Variants in ECHDC3 observed in about 807,000 individuals in gnomAD.
ECHDC3 encodes enoyl-CoA hydratase domain containing 3, also known as enoyl-CoA hydratase domain-containing protein 3, mitochondrial.
A neutral mutation model predicts 17.9 loss-of-function variants in ECHDC3; 20 were observed. The ratio of observed to expected loss-of-function variants is 1.12; its 90% CI spans 0.79 to 1.63. ECHDC3 has a LOEUF of 1.63. Among genes scored for constraint, ECHDC3 ranks in the 40% most tolerant of loss-of-function variants. The pLI, the probability that ECHDC3 is intolerant of heterozygous loss-of-function variation, is 0.00. For synonymous variants in ECHDC3, 177 were observed against 149.7 expected, an observed-to-expected ratio of 1.18 and a Z score of -1.33; for missense variants, 407 against 357.7, an observed-to-expected ratio of 1.14 and a Z score of -1.11.
chr10:11,761,680 C>T (rs546604961), intron 4 of ECHDC3, among the ~76,000 whole-genome samples: 22 of 152,338 alleles, frequency 1.4e-4, no homozygotes, highest in Non-Finnish European at 2.2e-4. Context: ...ACACTGCACC[C>T]GGCCTCTCCG....
At chr10:11,742,979 C>T (rs7076220) in intron 1 of ECHDC3, 124,027 of 370,774 alleles carry the variant, frequency 0.33, 22,238 homozygotes, top group East Asian at 0.49. Context: ...GGTCACTGGG[C>T]CTCCAGTCGC....
chr10:11,745,430 C>T (rs1440764472), intron 1 of ECHDC3, among the ~76,000 whole-genome samples: 7 of 152,130 alleles, frequency 4.6e-5, no homozygotes, highest in African/African-American at 9.7e-5. Context: ...CTCCCACCAC[C>T]CCCACCAAAT....
intron 1 of ECHDC3, 140 bp downstream of exon 1, chr10:11,742,886 C>T: frequency 9.9e-7 from 1 of 1,010,476 alleles, no homozygotes; most frequent in Non-Finnish European, 1.3e-6. Flanking sequence ...CGGACCCGGG[C>T]CTGGCAGCGA....
At position 11,749,733 on chromosome 10, in the gene ECHDC3, A is replaced by T. The variant is rs541973485; in HGVS notation, c.390+141A>T. The T allele has an allele frequency of 4.4e-4, 146 of 335,584 alleles. No homozygotes were observed. In the East Asian group the frequency reaches 7.6e-3, roughly 18 times the overall value. 20.8% of individuals were successfully genotyped at this position (335,584 alleles called of 1,614,324 possible). ...CAACTGGAAACTGTTTGGTCATCAG[A>T]TCCTTTATCCCAGCAATCCAGCAAT... On this transcript the variant is annotated intron_variant, in intron 3 of 4. Coordinates refer to ENST00000379215, the MANE Select transcript of ECHDC3 (RefSeq NM_024693.5).
chr10:11,742,843 T>C (rs1832711719), intron 1 of ECHDC3, 97 bp downstream of exon 1: 1 of 1,187,582 alleles, frequency 8.4e-7, no homozygotes, highest in South Asian at 3.5e-5. Flanking sequence ...CGGAGCCCCG[T>C]TTACGCCCCT....
intron 1 of ECHDC3, 28 bp downstream of exon 1, chr10:11,742,774 G>A (rs1184747148): frequency 8.2e-6 from 10 of 1,224,904 alleles, no homozygotes; most frequent in Non-Finnish European, 1.0e-5. Flanking sequence ...CGGGCTCCTC[G>A]CGTTGGTGCC....
At chr10:11,752,711 C>CCA (rs1832840134) in intron 3 of ECHDC3, among the ~76,000 whole-genome samples, 1 of 152,028 alleles carries the variant, frequency 6.6e-6, no homozygotes, top group South Asian at 2.1e-4. Flanking sequence ...ATATAACTGT[C>CCA]GTGTTCTATA....
Position 11,742,531 on chromosome 10 carries a change from C to T in ECHDC3, c.-46C>T. 1 of 1,256,282 alleles carries T rather than the reference C, an allele frequency of 8.0e-7. No individual in the cohort carries two copies. The highest frequency in any genetic ancestry group is 2.8e-5 in the South Asian group (1 of 35,238). 77.8% of individuals were successfully genotyped at this position (1,256,282 alleles called of 1,614,324 possible). On this transcript the variant is annotated 5_prime_UTR_variant, in exon 1 of 5. Transcript: ENST00000379215. ...CCCTCGGAGCGCCCAGCACCTGCGGCCGGCCAGGCAGCGCGATCCTGCGGC... is the reference window on the plus strand; with the variant it reads ...CCCTCGGAGCGCCCAGCACCTGCGGTCGGCCAGGCAGCGCGATCCTGCGGC...
intron 3 of ECHDC3, among the ~76,000 whole-genome samples, chr10:11,749,908 G>T (rs1373704185): frequency 1.4e-5 from 2 of 147,036 alleles, no homozygotes. Flanking sequence ...CGATTCTCCT[G>T]CCTCAGCCTC....
chr10:11,750,293 TAA>T (rs1832809849), intron 3 of ECHDC3, among the ~76,000 whole-genome samples: 1 of 152,192 alleles, frequency 6.6e-6, no homozygotes, highest in Non-Finnish European at 1.5e-5. Flanking sequence ...ATAATAATTT[TAA>T]AAGATTTTAA....
chr10:11,747,280 A>C, intron 1 of ECHDC3, 69 bp from the exon 2 acceptor site: 6 of 1,579,360 alleles, frequency 3.8e-6, no homozygotes, highest in Non-Finnish European at 5.2e-6. Context: ...TAAATTAGAC[A>C]GGAATCGCAG....
rs1362437332 is a variant in ECHDC3, at chr10:11,742,438, G to A, written c.-139G>A. 2 of 842,964 alleles carry A rather than the reference G, an allele frequency of 2.4e-6. No individual in the cohort carries two copies. The highest frequency in any genetic ancestry group is 3.1e-6 in the Non-Finnish European group (2 of 640,776). 52.2% of individuals were successfully genotyped at this position (842,964 alleles called of 1,614,324 possible). A position where few individuals can be genotyped will look rare whatever the true frequency, so the allele number is the denominator to read the frequency against. On this transcript the variant is annotated 5_prime_UTR_variant, in exon 1 of 5. Coordinates refer to ENST00000379215, the MANE Select transcript of ECHDC3 (RefSeq NM_024693.5). ...CCCGCGAAGCCTGGGCCTGTCAGGC[G>A]GTTCCGTCCGGGTCTCGGCCACCGT...
rs759295596 is a variant in ECHDC3 at position 11,749,521 on chromosome 10, C to T, written c.319C>T (p.His107Tyr). The T allele has an allele frequency of 6.2e-7, 1 of 1,613,988 alleles. No individual in the cohort carries two copies. The highest frequency in any genetic ancestry group is 1.3e-5 in the African/African-American group (1 of 74,910). The change falls in exon 3 of 5, where the codon CAT (histidine) becomes TAT (tyrosine). Residue 107 changes from histidine (H) to tyrosine (Y), a missense_variant. By Grantham distance (83) the His-to-Tyr change is moderately conservative. Transcript: ENST00000379215. Reference protein sequence around the residue: ...SAEGPVFSSGHDLKELTEEQG... With the variant: ...SAEGPVFSSGYDLKELTEEQG... ...TGAGGGGCCTGTGTTTTCTTCTGGG[C>T]ATGACTTAAAGGAGCTGACAGAGGA...
intron 4 of ECHDC3, among the ~76,000 whole-genome samples, chr10:11,760,411 C>T (rs906334601): frequency 7.2e-5 from 11 of 152,218 alleles, no homozygotes; most frequent in Admixed American, 1.3e-4. Context: ...GCAAGCCCCC[C>T]ACCTGGGATG....
At chr10:11,749,467 T>C (rs749575731) in intron 2 of ECHDC3, 28 bp from the exon 3 acceptor site, 18 of 1,612,742 alleles carry the variant, frequency 1.1e-5, no homozygotes, top group Non-Finnish European at 1.5e-5. Context: ...TCTTTTTGTT[T>C]TCTTTTCTCA....
chr10:11,752,754 A>G (rs1832840620), intron 3 of ECHDC3, among the ~76,000 whole-genome samples: 3 of 152,118 alleles, frequency 2.0e-5, no homozygotes, highest in African/African-American at 7.2e-5. Context: ...CATTTTACAG[A>G]TGTGAAAATT....
chr10:11,747,891 G>C (rs1478532897), intron 2 of ECHDC3, among the ~76,000 whole-genome samples: 1 of 152,176 alleles, frequency 6.6e-6, no homozygotes, highest in Non-Finnish European at 1.5e-5. Flanking sequence ...TGCTGGAAAA[G>C]ATGCCATATT....
At chr10:11,757,025 G>A (rs1240382599) in intron 4 of ECHDC3, among the ~76,000 whole-genome samples, 2 of 152,186 alleles carry the variant, frequency 1.3e-5, no homozygotes, top group East Asian at 1.9e-4. Flanking sequence ...GTGAGCCGCC[G>A]CACCTGGCCC....
chr10:11,760,077 C>T (rs1156330392), intron 4 of ECHDC3, among the ~76,000 whole-genome samples: 1 of 152,186 alleles, frequency 6.6e-6, no homozygotes, highest in African/African-American at 2.4e-5. Flanking sequence ...TTCATAGTGA[C>T]CTCCCTGATT....
Sources: allele counts gnomAD v4.1 joint callset (sites outside exome capture counted in the v4.1 genomes callset), GRCh38; gene constraint gnomAD v4.1.1; transcripts MANE v1.5; gene names NCBI Gene and HGNC (gene_info 2026-07-23, HGNC 2026-07-21).